NHSL3: variants seen among roughly 807,000 people sequenced by gnomAD.
NHSL3 encodes NHS like 3.
chr1:32,767,842 A>G, the NHSL3 span: 1 of 1,613,900 alleles, frequency 6.2e-7, no homozygotes, highest in East Asian at 2.2e-5. Context: ...GCCAGGGGCC[A>G]GGGTCTGCAG....
At chr1:32,764,220 C>T in the NHSL3 span, among the ~76,000 whole-genome samples, 4 of 151,790 alleles carry the variant, frequency 2.6e-5, no homozygotes, top group South Asian at 8.3e-4. Context: ...CCCCGCCCCC[C>T]GGCCCCACCA....
the NHSL3 span, among the ~76,000 whole-genome samples, chr1:32,751,295 A>G: frequency 6.6e-6 from 1 of 152,180 alleles, no homozygotes; most frequent in African/African-American, 2.4e-5. Flanking sequence ...CTGCCTTTGC[A>G]GTGAAAGTAT....
the NHSL3 span, among the ~76,000 whole-genome samples, chr1:32,759,620 G>T: frequency 6.6e-6 from 1 of 152,198 alleles, no homozygotes; most frequent in Non-Finnish European, 1.5e-5. Context: ...TGTCAGCTCT[G>T]TCCCTGCTGG....
chr1:32,743,876 C>T, the NHSL3 span, among the ~76,000 whole-genome samples: 1 of 152,152 alleles, frequency 6.6e-6, no homozygotes, highest in Non-Finnish European at 1.5e-5. Context: ...ACCTCCTTGC[C>T]CCTGGCTGTT....
At chr1:32,770,404 CCAT>C in the NHSL3 span, 2 of 1,607,760 alleles carry the variant, frequency 1.2e-6, no homozygotes, top group Non-Finnish European at 1.7e-6. The surrounding 1 kb of genome is among the most constrained non-coding windows in gnomAD (Gnocchi z 8.3). Context: ...CAGCCGCCAC[CCAT>C]CCTCCTCCAG....
chr1:32,770,673 A>G, the NHSL3 span: 1 of 1,521,270 alleles, frequency 6.6e-7, no homozygotes. This position sits in a 1 kb window ranked among gnomAD's most constrained non-coding sequence, Gnocchi z 8.3. Flanking sequence ...AGCGGCCTCC[A>G]CCCCCTCCCC....
At chr1:32,755,811 C>T in the NHSL3 span, among the ~76,000 whole-genome samples, 2 of 152,154 alleles carry the variant, frequency 1.3e-5, no homozygotes, top group Non-Finnish European at 2.9e-5. Context: ...CAGCACTCTC[C>T]CTGCCCCAGC....
At chr1:32,769,991 C>G in the NHSL3 span, 3 of 1,605,236 alleles carry the variant, frequency 1.9e-6, no homozygotes, top group Admixed American at 5.1e-5. Context: ...GGGATGGGGG[C>G]CCGGGTGTCC....
the NHSL3 span, among the ~76,000 whole-genome samples, chr1:32,746,239 A>AC: frequency 9.5e-6 from 1 of 105,236 alleles, no homozygotes; most frequent in Admixed American, 1.2e-4. Flanking sequence ...TCAAAAAAAA[A>AC]AAAAAAAACA....
chr1:32,774,831 TATA>T, the NHSL3 span: 1 of 152,512 alleles, frequency 6.6e-6, no homozygotes, highest in Non-Finnish European at 1.5e-5. Flanking sequence ...TAGAAGTATA[TATA>T]TACATATATA....
chr1:32,751,840 G>A, the NHSL3 span, among the ~76,000 whole-genome samples: 11 of 152,098 alleles, frequency 7.2e-5, no homozygotes, highest in African/African-American at 2.2e-4. Flanking sequence ...AGATGAGGTC[G>A]GAGATGAGGC....
At chr1:32,767,431 T>C in the NHSL3 span, among the ~76,000 whole-genome samples, 3 of 152,120 alleles carry the variant, frequency 2.0e-5, no homozygotes, top group African/African-American at 7.2e-5. Context: ...TGTGTGTTTA[T>C]ACTCGGATGC....
chr1:32,755,543 C>G, the NHSL3 span, among the ~76,000 whole-genome samples: 1 of 152,144 alleles, frequency 6.6e-6, no homozygotes, highest in Admixed American at 6.5e-5. Context: ...CTGGACCACT[C>G]TGGCTCCTAC....
the NHSL3 span, chr1:32,774,724 G>A: frequency 2.6e-5 from 4 of 152,618 alleles, no homozygotes; most frequent in Admixed American, 6.5e-5. Flanking sequence ...GGAGGGTCTA[G>A]AAGAGGCAGC....
the NHSL3 span, among the ~76,000 whole-genome samples, chr1:32,760,433 C>T: frequency 6.6e-6 from 1 of 152,284 alleles, no homozygotes; most frequent in East Asian, 1.9e-4. Context: ...TCCCTTTCCC[C>T]AGGCTTAGGA....
At chr1:32,769,909 A>T in the NHSL3 span, 3 of 1,608,276 alleles carry the variant, frequency 1.9e-6, no homozygotes, top group South Asian at 3.3e-5. Context: ...GGCACCAGGC[A>T]CGCCCCGGGC....
the NHSL3 span, among the ~76,000 whole-genome samples, chr1:32,743,007 G>C: frequency 1.3e-5 from 2 of 152,332 alleles, no homozygotes; most frequent in East Asian, 3.9e-4. Context: ...TGGCCTGGAC[G>C]GGCAGCCTGA....
At chr1:32,747,104 C>T in the NHSL3 span, among the ~76,000 whole-genome samples, 1 of 151,970 alleles carries the variant, frequency 6.6e-6, no homozygotes, top group Non-Finnish European at 1.5e-5. Flanking sequence ...AGTTTGAGTT[C>T]TGCTCTGTTG....
At chr1:32,770,273 A>C in the NHSL3 span, 1 of 1,604,456 alleles carries the variant, frequency 6.2e-7, no homozygotes, top group Non-Finnish European at 8.5e-7. This position sits in a 1 kb window ranked among gnomAD's most constrained non-coding sequence, Gnocchi z 8.3. Flanking sequence ...CCTACAGTGG[A>C]CGTGGTGGCC....
Sources: allele counts gnomAD v4.1 joint callset (sites outside exome capture counted in the v4.1 genomes callset), GRCh38; gene constraint gnomAD v4.1.1; non-coding constraint Gnocchi (gnomAD v3.1); transcripts MANE v1.5; gene names NCBI Gene and HGNC (gene_info 2026-07-23, HGNC 2026-07-21).